The following SGSM1 variants were observed in gnomAD, a reference collection of about 807,000 sequenced individuals.
SGSM1 encodes the protein small G protein signaling modulator 1.
In SGSM1, 73 loss-of-function variants were observed where a neutral mutation model predicts 133.8. The ratio of observed to expected loss-of-function variants is 0.55; its 90% CI spans 0.45 to 0.66. The LOEUF (loss-of-function observed/expected upper bound fraction) is 0.66, where lower values mean the gene tolerates loss of function less well. Ranked by LOEUF, SGSM1 falls within the 30% of genes least tolerant of loss-of-function variation. The pLI is 0.00. For synonymous variants in SGSM1, 563 were observed against 573.0 expected, an observed-to-expected ratio of 0.98 and a Z score of 0.25; for missense variants, 1,213 against 1,448.1, an observed-to-expected ratio of 0.84 and a Z score of 2.64.
At chr22:24,841,083 C>T (rs551855142) in intron 2 of SGSM1, among the ~76,000 whole-genome samples, 21 of 152,282 alleles carry the variant, frequency 1.4e-4, no homozygotes, top group African/African-American at 3.1e-4. Context: ...ATCTCCTGAC[C>T]TTGTGATCCG....
intron 5 of SGSM1, among the ~76,000 whole-genome samples, chr22:24,853,449 C>A (rs960520963): frequency 6.6e-6 from 1 of 152,200 alleles, no homozygotes; most frequent in African/African-American, 2.4e-5. Context: ...ACAAACAAAT[C>A]CAAAAACATT....
intron 9 of SGSM1, 61 bp from the exon 10 acceptor site, chr22:24,867,031 AG>A: frequency 5.2e-6 from 8 of 1,541,114 alleles, no homozygotes; most frequent in Middle Eastern, 1.7e-4. Flanking sequence ...CTGGCCTCTG[AG>A]CCCCTCCGCA....
intron 24 of SGSM1, among the ~76,000 whole-genome samples, chr22:24,923,570 C>G (rs2179876): frequency 1.3e-5 from 2 of 152,102 alleles, no homozygotes; most frequent in Admixed American, 1.3e-4. Context: ...CAGCACTGCT[C>G]TCAGTCATTC....
At chr22:24,873,977 A>G (rs9917604) in intron 12 of SGSM1, among the ~76,000 whole-genome samples, 1,758 of 152,260 alleles carry the variant, frequency 0.012, 17 homozygotes, top group African/African-American at 0.04. Flanking sequence ...AAAGGGGTTA[A>G]TGATAGTACT....
chr22:24,823,911 A>G (rs1928641935), intron 2 of SGSM1, among the ~76,000 whole-genome samples: 1 of 152,230 alleles, frequency 6.6e-6, no homozygotes, highest in African/African-American at 2.4e-5. Context: ...CCCTAAAAAT[A>G]TATTTAAATA....
chr22:24,835,222 CG>C (rs1192915201), intron 2 of SGSM1, among the ~76,000 whole-genome samples: 2 of 152,148 alleles, frequency 1.3e-5, no homozygotes, highest in Non-Finnish European at 2.9e-5. Flanking sequence ...TCCAGGGCAG[CG>C]GGGGTGTCTC....
chr22:24,877,726 T>C (rs977277607), intron 13 of SGSM1, among the ~76,000 whole-genome samples: 1 of 151,854 alleles, frequency 6.6e-6, no homozygotes, highest in African/African-American at 2.4e-5. Context: ...TCAGAACCTG[T>C]ATTTAACGTG....
chr22:24,855,000 T>C lies in SGSM1; in HGVS notation c.460T>C (p.Tyr154His), dbSNP rs534832562. ...VHYLVENSSK[Y>H]YEKEALLMDP... ...CATATTCTCTCCTCTTGCTAGTAAATACTATGAGAAGGAAGCTCTCCTGAT... is the reference window on the plus strand; with the variant it reads ...CATATTCTCTCCTCTTGCTAGTAAACACTATGAGAAGGAAGCTCTCCTGAT... Residue 154 changes from tyrosine (Y) to histidine (H), a missense_variant, in exon 6 of 25, where the codon TAC (tyrosine) becomes CAC (histidine). Physicochemically the swap from Tyr to His is moderately conservative, Grantham distance 83. Transcript: ENST00000400358. 6.2e-7 allele frequency: 1 copy of C among 1,613,080 alleles called. No homozygotes were observed. Among genetic ancestry groups the C allele is most frequent in the Non-Finnish European group, 8.5e-7 (1 of 1,179,588 alleles).
intron 21 of SGSM1, among the ~76,000 whole-genome samples, chr22:24,909,751 T>C (rs139758): frequency 0.38 from 58,004 of 151,994 alleles, 11,499 homozygotes; most frequent in East Asian, 0.64. Context: ...CGACCATGCC[T>C]GGCTGGTTTG....
intron 2 of SGSM1, among the ~76,000 whole-genome samples, chr22:24,816,446 C>T (rs1223433339): frequency 6.5e-5 from 8 of 122,810 alleles, no homozygotes; most frequent in Non-Finnish European, 9.7e-5. Flanking sequence ...GATGGTGTCT[C>T]GCTCTGTTGC....
intron 2 of SGSM1, 148 bp from the exon 3 acceptor site, chr22:24,844,749 C>T (rs893822290): frequency 6.6e-6 from 4 of 602,504 alleles, no homozygotes; most frequent in South Asian, 4.3e-5. Context: ...AAAGACAAGG[C>T]GAGGAGGGGG....
intron 16 of SGSM1, among the ~76,000 whole-genome samples, chr22:24,889,000 C>T (rs1039848601): frequency 3.2e-4 from 39 of 123,406 alleles, no homozygotes; most frequent in Non-Finnish European, 1.1e-4. Context: ...CTTGCTCTGT[C>T]GCCCAGGCTA....
intron 9 of SGSM1, among the ~76,000 whole-genome samples, chr22:24,866,210 C>T (rs949059820): frequency 4.6e-5 from 7 of 152,148 alleles, no homozygotes; most frequent in African/African-American, 1.2e-4. Context: ...TTCCCAGGTA[C>T]GCACTTCTTA....
rs1308076550 is a variant in SGSM1 at position 24,834,421 on chromosome 22, A to T, written c.64-10476A>T. 2.6e-4 allele frequency among the ~76,000 whole-genome samples: 39 copies of T among 152,228 alleles called. 1 individual carries two copies. The highest frequency in any genetic ancestry group is 2.6e-3 in the Admixed American group (39 of 15,290). ...GTTTTATTGGGACACAGCCATGCCC[A>T]TTCATTTATGTATTATCTATGGCTG... is the stretch of plus-strand genomic sequence containing the variant. On this transcript the variant is annotated intron_variant, in intron 2 of 24. Transcript: ENST00000400358.
chr22:24,873,769 C>T (rs9917601), intron 12 of SGSM1, among the ~76,000 whole-genome samples: 1,754 of 152,220 alleles, frequency 0.012, 17 homozygotes, highest in African/African-American at 0.04. Flanking sequence ...TGGAGGATCA[C>T]TTGAGTCTGG....
In SGSM1 at chr22:24,912,743, G is replaced by A. The variant is rs767323925; in HGVS notation, c.2919G>A (p.Ser973=). The A allele has an allele frequency of 3.0e-5, 48 of 1,610,338 alleles. No homozygotes were observed. The highest frequency in any genetic ancestry group is 5.5e-5 in the South Asian group (5 of 90,380). The change falls in exon 22 of 25, where the codon TCG becomes TCA. Residue 973 remains serine, a synonymous_variant. Coordinates refer to ENST00000400358, the MANE Select transcript of SGSM1 (RefSeq NM_001098497.3). ...AMDTHFANMR[S]LIQILDSELF... is the part of the protein sequence containing the mutation. ...ACACGCACTTTGCAAACATGAGATCGTTGATCCAGGTATGACCCAGCATCC... is the reference window on the plus strand; with the variant it reads ...ACACGCACTTTGCAAACATGAGATCATTGATCCAGGTATGACCCAGCATCC...
chr22:24,890,082 A>G (rs1932784874), intron 16 of SGSM1, among the ~76,000 whole-genome samples: 2 of 149,850 alleles, frequency 1.3e-5, no homozygotes, highest in Admixed American at 1.3e-4. Flanking sequence ...TCAGCCTCCC[A>G]AGTAGCTGGG....
intron 21 of SGSM1, among the ~76,000 whole-genome samples, chr22:24,908,826 A>C (rs2123728479): frequency 6.6e-6 from 1 of 152,046 alleles, no homozygotes; most frequent in Middle Eastern, 3.4e-3. Flanking sequence ...AAAGAAAGAC[A>C]ACCTGATTAA....
chr22:24,917,698 G>C lies in SGSM1; in HGVS notation c.2969G>C (p.Gly990Ala). 1 of 1,614,024 alleles carries C rather than the reference G, an allele frequency of 6.2e-7. No individual in the cohort carries two copies. The highest frequency in any genetic ancestry group is 8.5e-7 in the Non-Finnish European group (1 of 1,179,994). ...CTGTTTGAGCTGATGCATCAGAACGGGGACTATACTCACTTCTACTTCTGC... is the reference window on the plus strand; with the variant it reads ...CTGTTTGAGCTGATGCATCAGAACGCGGACTATACTCACTTCTACTTCTGC... ...SELFELMHQNGDYTHFYFCYR... is the reference protein window; with the variant it reads ...SELFELMHQNADYTHFYFCYR... Residue 990 changes from glycine (G) to alanine (A), a missense_variant, in exon 23 of 25, where the codon GGG (glycine) becomes GCG (alanine). Gly to Ala is a moderately conservative substitution (Grantham distance 60, BLOSUM62 0). Coordinates refer to ENST00000400358, the MANE Select transcript of SGSM1 (RefSeq NM_001098497.3).
Sources: allele counts gnomAD v4.1 joint callset (sites outside exome capture counted in the v4.1 genomes callset), GRCh38; gene constraint gnomAD v4.1.1; transcripts MANE v1.5; gene names NCBI Gene and HGNC (gene_info 2026-07-23, HGNC 2026-07-21).